NIM1K: variants seen among roughly 807,000 people sequenced by gnomAD.
NIM1K encodes serine/threonine-protein kinase NIM1.
NIM1K carries 35 observed loss-of-function variants against 37.1 expected under a neutral mutation model. The observed-to-expected ratio is 0.94, with a 90% CI of 0.72 to 1.25. The LOEUF is 1.25. Among genes scored for constraint, NIM1K ranks in the 50% most tolerant of loss-of-function variants. NIM1K has a pLI of 0.00. For missense variants in NIM1K, 564 were observed against 548.0 expected (o/e 1.03, Z -0.29); for synonymous variants, 234 against 206.6 (o/e 1.13, Z -1.14).
At chr5:43,279,887 C>A in intron 3 of NIM1K, 93 bp from the exon 4 acceptor site, 1 of 1,011,624 alleles carries the variant, frequency 9.9e-7, no homozygotes, top group Non-Finnish European at 1.5e-6. Context: ...TGTTATTCCA[C>A]CATCATTATC....
intron 1 of NIM1K, among the ~76,000 whole-genome samples, chr5:43,211,641 A>G (rs1752206530): frequency 6.6e-6 from 1 of 152,200 alleles, no homozygotes; most frequent in African/African-American, 2.4e-5. Flanking sequence ...GGGCATATGG[A>G]GGGGGGTAAG....
At position 43,280,166 on chromosome 5, in the gene NIM1K, A is replaced by G. The variant is rs749478158; in HGVS notation, c.748A>G (p.Ile250Val). ...ELFRDEHYIG[I>V]YVDIWALGVL... ...CTTCCGGGACGAGCACTACATCGGCATTTACGTGGATATCTGGGCCTTGGG... is the reference window on the plus strand; with the variant it reads ...CTTCCGGGACGAGCACTACATCGGCGTTTACGTGGATATCTGGGCCTTGGG... The change falls in exon 4 of 4, where the codon ATT becomes GTT. Residue 250 changes from isoleucine to valine, a missense_variant. Coordinates refer to ENST00000326035, the MANE Select transcript of NIM1K (RefSeq NM_153361.4). 1 of 1,614,166 alleles carries G rather than the reference A, an allele frequency of 6.2e-7. No homozygotes were observed. The highest frequency in any genetic ancestry group is 1.7e-5 in the Admixed American group (1 of 60,022).
chr5:43,257,094 G>A (rs78719380), intron 2 of NIM1K, among the ~76,000 whole-genome samples: 6,533 of 152,046 alleles, frequency 0.043, 186 homozygotes, highest in Middle Eastern at 0.11. Flanking sequence ...AAGGAGGCTA[G>A]GGAGGTGAAA....
At chr5:43,213,280 GTTTCCTTTCCTTTTC>G (rs779683903) in intron 1 of NIM1K, among the ~76,000 whole-genome samples, 3,131 of 57,736 alleles carry the variant, frequency 0.054, 151 homozygotes, top group Non-Finnish European at 0.068. Flanking sequence ...TTTCTTTCTT[GTTTCCTTTCCTTTTC>G]TTTTCTTTTC....
intron 1 of NIM1K, among the ~76,000 whole-genome samples, chr5:43,204,872 T>C (rs898496383): frequency 2.0e-5 from 3 of 152,122 alleles, no homozygotes; most frequent in Non-Finnish European, 4.4e-5. Flanking sequence ...GGCGCTCGCC[T>C]GTAGTCCCAG....
chr5:43,269,084 A>G (rs927975108), intron 2 of NIM1K, among the ~76,000 whole-genome samples: 1 of 151,988 alleles, frequency 6.6e-6, no homozygotes, highest in Non-Finnish European at 1.5e-5. Context: ...TGAGGCAGGT[A>G]TATCACCTGA....
chr5:43,204,821 A>G (rs949320224), intron 1 of NIM1K, among the ~76,000 whole-genome samples: 26 of 152,006 alleles, frequency 1.7e-4, no homozygotes, highest in Admixed American at 1.5e-3. Context: ...AATGTAAGCA[A>G]CATGGCAAAA....
At chr5:43,247,140 C>A (rs1408318344) in intron 2 of NIM1K, among the ~76,000 whole-genome samples, 1 of 152,058 alleles carries the variant, frequency 6.6e-6, no homozygotes, top group South Asian at 2.1e-4. Context: ...TGTTTGCATA[C>A]ATGTACCTCC....
chr5:43,280,525 G>A lies in NIM1K; in HGVS notation c.1107G>A (p.Glu369=), dbSNP rs777358720. ...TAGAACATTTGGGCATTACAGAAGA[G>A]CATATTCGAAATAACCAAGGGAGAG... is the stretch of plus-strand genomic sequence containing the variant. ...STLEHLGITE[E]HIRNNQGRDA... is the part of the protein sequence containing the mutation. The change falls in exon 4 of 4, where the codon GAG becomes GAA. Residue 369 remains glutamate (E), a synonymous_variant. Coordinates refer to ENST00000326035, the MANE Select transcript of NIM1K (RefSeq NM_153361.4). 5 of 1,614,180 alleles carry A rather than the reference G, an allele frequency of 3.1e-6. No individual in the cohort carries two copies. The South Asian group carries it at 4.4e-5, about 14-fold the overall frequency.
Position 43,198,191 on chromosome 5 carries a change from CTTTCTTTCTTTCTTTCTCTT to C in NIM1K, c.-695+5782_-695+5801del, listed in dbSNP as rs1401810809. Among the ~76,000 whole-genome samples the C allele has an allele frequency of 2.9e-3, 167 of 57,924 alleles. 1 individual carries two copies. Among genetic ancestry groups the C allele is most frequent in the South Asian group, 9.9e-3 (13 of 1,310 alleles). The allele number at this position is 57,924 out of a possible 152,430, so 38.0% of individuals were successfully genotyped here. On this transcript the variant is annotated intron_variant, in intron 1 of 3. Coordinates refer to ENST00000326035, the MANE Select transcript of NIM1K (RefSeq NM_153361.4). Reference sequence around the variant, plus strand: ...TCTTTCTTTCTTTCTTTCTTTCTTTCTTTCTTTCTTTCTTTCTCTTTCTTTCTTTCTTTCTTTCTTTCTTT... The same window carrying C: ...TCTTTCTTTCTTTCTTTCTTTCTTTCTCTTTCTTTCTTTCTTTCTTTCTTT...
intron 2 of NIM1K, among the ~76,000 whole-genome samples, chr5:43,261,374 T>C (rs1344368368): frequency 1.3e-5 from 2 of 152,262 alleles, no homozygotes; most frequent in Non-Finnish European, 2.9e-5. Flanking sequence ...ATGAGCATTT[T>C]TTCATGTGTC....
At chr5:43,206,322 A>T (rs1368885261) in intron 1 of NIM1K, among the ~76,000 whole-genome samples, 4 of 151,636 alleles carry the variant, frequency 2.6e-5, no homozygotes, top group Admixed American at 6.6e-5. Context: ...ACATATTGAG[A>T]CCTTGTCTTT....
chr5:43,197,390 C>T (rs1203356482), intron 1 of NIM1K, among the ~76,000 whole-genome samples: 1 of 150,356 alleles, frequency 6.7e-6, no homozygotes, highest in Non-Finnish European at 1.5e-5. Context: ...AGCCATCCTT[C>T]TGCCTTGGCC....
rs184031426 is a variant in NIM1K, at chr5:43,238,270, C to A, written c.-694-6812C>A. On this transcript the variant is annotated intron_variant, in intron 1 of 3. Coordinates refer to ENST00000326035, the MANE Select transcript of NIM1K (RefSeq NM_153361.4). Reference sequence around the variant, plus strand: ...TGTTAGCCAGGATGGTCTTGATCTCCTGACCTTGTGATCTGCCCGCCTTCA... The same window carrying A: ...TGTTAGCCAGGATGGTCTTGATCTCATGACCTTGTGATCTGCCCGCCTTCA... Among the ~76,000 whole-genome samples the A allele has an allele frequency of 7.2e-4, 109 of 152,040 alleles. 1 individual carries two copies. Among genetic ancestry groups the A allele is most frequent in the African/African-American group, 2.5e-3 (103 of 41,358 alleles).
Position 43,280,673 on chromosome 5 carries a change from G to T in NIM1K, c.1255G>T (p.Gly419Trp). 1 of 1,613,356 alleles carries T rather than the reference G, an allele frequency of 6.2e-7. No homozygotes were observed. Among genetic ancestry groups the T allele is most frequent in the Non-Finnish European group, 8.5e-7 (1 of 1,179,866 alleles). The stretch of plus-strand genomic sequence containing the variant: ...CCCTAAAGAAAGAGACCTCAAAAAA[G>T]GGTCCCGTGTCTACAGAGGGATAAG... ...PDPKERDLKK[G>W]SRVYRGIRHT... is the part of the protein sequence containing the mutation. Residue 419 changes from glycine (G) to tryptophan (W), a missense_variant, in exon 4 of 4, where the codon GGG becomes TGG. Physicochemically the swap from Gly to Trp is radical, Grantham distance 184 (BLOSUM62 -2). Coordinates refer to ENST00000326035, the MANE Select transcript of NIM1K (RefSeq NM_153361.4).
rs77128671 is a variant in NIM1K, at chr5:43,270,982, G to C, written c.293-6075G>C. Among the ~76,000 whole-genome samples the C allele has an allele frequency of 8.0e-3, 1,220 of 152,092 alleles. 16 individuals are homozygous for C. The highest frequency in any genetic ancestry group is 0.013 in the Non-Finnish European group (865 of 68,010). On this transcript the variant is annotated intron_variant, in intron 2 of 3. Coordinates refer to ENST00000326035, the MANE Select transcript of NIM1K (RefSeq NM_153361.4). Reference sequence around the variant, plus strand: ...CCTTTCCTCATTGGATTAAGCTACTGTAATTTGTCTTCATGTTTATATCAT... The same window carrying C: ...CCTTTCCTCATTGGATTAAGCTACTCTAATTTGTCTTCATGTTTATATCAT...
At chr5:43,267,236 T>C (rs1455620760) in intron 2 of NIM1K, among the ~76,000 whole-genome samples, 1 of 152,214 alleles carries the variant, frequency 6.6e-6, no homozygotes, top group African/African-American at 2.4e-5. Context: ...TGTTTTTTAG[T>C]TTGTGTGAAT....
intron 1 of NIM1K, among the ~76,000 whole-genome samples, chr5:43,206,276 T>TC (rs1752109247): frequency 6.6e-6 from 1 of 151,828 alleles, no homozygotes; most frequent in South Asian, 2.1e-4. Context: ...GTCCCATCAC[T>TC]TTGGGAGGCC....
intron 2 of NIM1K, among the ~76,000 whole-genome samples, chr5:43,257,502 G>C (rs534023156): frequency 1.6e-4 from 25 of 151,648 alleles, no homozygotes; most frequent in Admixed American, 5.3e-4. Flanking sequence ...TGAGTAGCTA[G>C]GACTACAGGT....
Sources: gnomAD v4.1 joint callset for allele counts (sites outside exome capture counted in the v4.1 genomes callset) on GRCh38, gnomAD v4.1.1 for gene constraint, MANE v1.5 for transcripts, NCBI Gene and HGNC (gene_info 2026-07-23, HGNC 2026-07-21) for gene names.